Variants in IDE observed in about 807,000 individuals in gnomAD.
The protein encoded by IDE is insulin degrading enzyme.
In IDE, 58 loss-of-function variants were observed where a neutral mutation model predicts 133.2. The ratio of observed to expected loss-of-function variants is 0.44; its 90% CI spans 0.35 to 0.54. The LOEUF is 0.54. IDE is among the 20% of genes least tolerant of loss of function. The pLI, the probability that IDE is intolerant of heterozygous loss-of-function variation, is 0.00. For synonymous variants in IDE, 396 were observed against 421.3 expected (o/e 0.94, Z 0.73); for missense variants, 981 against 1,234.0 (o/e 0.79, Z 3.07).
intron 17 of IDE, among the ~76,000 whole-genome samples, chr10:92,470,857 T>C (rs1049289712): frequency 6.6e-6 from 1 of 152,200 alleles, no homozygotes; most frequent in African/African-American, 2.4e-5. Context: ...ATGAAGTTGA[T>C]ATGTTGTAGT....
intron 22 of IDE, among the ~76,000 whole-genome samples, chr10:92,458,134 T>C (rs1315066286): frequency 6.6e-6 from 1 of 152,206 alleles, no homozygotes; most frequent in African/African-American, 2.4e-5. Flanking sequence ...CTCATTTTTC[T>C]AAAAACAAAC....
chr10:92,560,884 A>G (rs1843248418), intron 1 of IDE, among the ~76,000 whole-genome samples: 1 of 152,168 alleles, frequency 6.6e-6, no homozygotes. Flanking sequence ...AGCAAAGCTA[A>G]CATGCTCTTC....
At chr10:92,456,009 C>G (rs1472875470) in intron 23 of IDE, among the ~76,000 whole-genome samples, 1 of 152,144 alleles carries the variant, frequency 6.6e-6, no homozygotes, top group Admixed American at 6.5e-5. Context: ...TTAATGGCCA[C>G]AGGACAAACT....
rs113939201 is a variant in IDE at position 92,540,673 on chromosome 10, T to A, written c.99-3123A>T. ...GACTGAAATGTAATAATGATGATGATGATGATGGTCTAAAACTTCTGTCCA... is the reference window on the plus strand; with the variant it reads ...GACTGAAATGTAATAATGATGATGAAGATGATGGTCTAAAACTTCTGTCCA... On this transcript the variant is annotated intron_variant, in intron 1 of 24. Coordinates refer to ENST00000265986, the MANE Select transcript of IDE (RefSeq NM_004969.4). Among the ~76,000 whole-genome samples the A allele has an allele frequency of 3.3e-5, 5 of 152,260 alleles. No individual in the cohort carries two copies. The East Asian group carries it at 9.6e-4, about 29-fold the overall frequency.
chr10:92,482,804 T>G (rs1416687818), intron 14 of IDE, among the ~76,000 whole-genome samples: 2 of 152,046 alleles, frequency 1.3e-5, no homozygotes, highest in Non-Finnish European at 2.9e-5. Context: ...CTCTCCTTTT[T>G]TTTCTTTTCT....
At chr10:92,571,624 C>T (rs770742397) in intron 1 of IDE, among the ~76,000 whole-genome samples, 3 of 152,192 alleles carry the variant, frequency 2.0e-5, no homozygotes, top group African/African-American at 4.8e-5. Context: ...TTATAAAATA[C>T]AGCTGAACAC....
chr10:92,515,748 T>TG lies in IDE; in HGVS notation c.662-707dup, dbSNP rs1848885965. ...GCTAATTTTGTATTTTTAGTAGAGA[T>TG]GGGGTTTCTCCATGTTGGTCAGGCT... On this transcript the variant is annotated intron_variant, in intron 4 of 24. Transcript: ENST00000265986. Among the ~76,000 whole-genome samples, 3 of 149,928 alleles carry TG rather than the reference T, an allele frequency of 2.0e-5. No homozygotes were observed. In the South Asian group the frequency reaches 6.4e-4, roughly 32 times the overall value.
chr10:92,562,982 G>A (rs992119512), intron 1 of IDE, among the ~76,000 whole-genome samples: 6 of 152,192 alleles, frequency 3.9e-5, no homozygotes, highest in African/African-American at 1.4e-4. Context: ...TGGGCACAGT[G>A]GCTCACGCCT....
At chr10:92,521,295 A>T (rs1163604813) in intron 4 of IDE, among the ~76,000 whole-genome samples, 5 of 152,184 alleles carry the variant, frequency 3.3e-5, no homozygotes, top group Non-Finnish European at 5.9e-5. Flanking sequence ...ATGTCTTGTC[A>T]AAAAGTCAAA....
At chr10:92,534,973 G>A (rs896202302) in intron 2 of IDE, among the ~76,000 whole-genome samples, 188 bp from the exon 3 acceptor site, 47 of 152,290 alleles carry the variant, frequency 3.1e-4, no homozygotes, top group African/African-American at 1.1e-3. Context: ...TCTAGTGCCT[G>A]CTCTTGACGC....
chr10:92,478,001 G>A (rs1314542726), intron 15 of IDE, among the ~76,000 whole-genome samples: 1 of 152,088 alleles, frequency 6.6e-6, no homozygotes, highest in Non-Finnish European at 1.5e-5. Flanking sequence ...ACCCCAAAAT[G>A]CTCTTGTTTT....
At chr10:92,473,788 C>T (rs1846108670) in intron 17 of IDE, among the ~76,000 whole-genome samples, 1 of 152,116 alleles carries the variant, frequency 6.6e-6, no homozygotes, top group African/African-American at 2.4e-5. Context: ...CAAGACCAGC[C>T]TGGCCAACAT....
In IDE at chr10:92,471,983, C is replaced by T. The variant is rs1845991592; in HGVS notation, c.2117-1638G>A. Among the ~76,000 whole-genome samples the T allele has an allele frequency of 2.0e-5, 3 of 152,284 alleles. No homozygotes were observed. The South Asian group carries it at 6.2e-4, about 32-fold the overall frequency. On this transcript the variant is annotated intron_variant, in intron 17 of 24. Transcript: ENST00000265986. ...AGGCAGTCAGTAAATGCTGCTGGAC[C>T]ACACTGAACCCTGAAGTTCTTGCTA...
At chr10:92,542,520 G>A (rs1004954939) in intron 1 of IDE, among the ~76,000 whole-genome samples, 9 of 151,928 alleles carry the variant, frequency 5.9e-5, no homozygotes, top group African/African-American at 2.2e-4. Context: ...TCAAACTCCT[G>A]GGCGCAAGAG....
In IDE at chr10:92,541,387, A is replaced by G. The variant is rs962301934; in HGVS notation, c.99-3837T>C. ...CTTGCCTGTCTCTGTATTTATACTC[A>G]TAAGATCACCTGTCTATCTACTTCA... On this transcript the variant is annotated intron_variant, in intron 1 of 24. Transcript: ENST00000265986. 21 of 462,892 alleles carry G rather than the reference A, an allele frequency of 4.5e-5. 1 individual carries two copies. In the Admixed American group the frequency reaches 4.6e-4, roughly 10 times the overall value. 28.7% of individuals were successfully genotyped at this position (462,892 alleles called of 1,614,324 possible).
chr10:92,517,437 T>G lies in IDE; in HGVS notation c.662-2395A>C, dbSNP rs568703619. Among the ~76,000 whole-genome samples the G allele has an allele frequency of 2.0e-5, 3 of 152,318 alleles. No individual in the cohort carries two copies. In the East Asian group the frequency reaches 5.8e-4, roughly 29 times the overall value. On this transcript the variant is annotated intron_variant, in intron 4 of 24. Transcript: ENST00000265986. ...TCTTGTTTTTGTTTAAGATAGGGTC[T>G]TACTCTGTTGCCCAGGCTAGACTGC...
At chr10:92,534,007 G>A (rs1386939946) in intron 3 of IDE, among the ~76,000 whole-genome samples, 2 of 149,670 alleles carry the variant, frequency 1.3e-5, no homozygotes, top group Non-Finnish European at 3.0e-5. Context: ...TGGGAAACAA[G>A]TGCGAAACTC....
rs59452338 is a variant in IDE at position 92,534,546 on chromosome 10, A to G, written c.491+32T>C. ...TATTATTAATGTGATAAGTACACAAAGTTGGATAATTCATAGGGTATTCTG... is the reference window on the plus strand; with the variant it reads ...TATTATTAATGTGATAAGTACACAAGGTTGGATAATTCATAGGGTATTCTG... On this transcript the variant is annotated intron_variant, in intron 3 of 24. Transcript: ENST00000265986. 15,123 of 1,227,900 alleles carry G rather than the reference A, an allele frequency of 0.012. 1,419 individuals carry two copies. In the African/African-American group the frequency reaches 0.2, roughly 16 times the overall value. 76.1% of individuals were successfully genotyped at this position (1,227,900 alleles called of 1,614,324 possible).
intron 1 of IDE, among the ~76,000 whole-genome samples, chr10:92,569,632 T>C (rs1843697854): frequency 6.6e-6 from 1 of 152,152 alleles, no homozygotes; most frequent in African/African-American, 2.4e-5. Context: ...CTGAAAACTC[T>C]CATTTTCAAG....
Sources: allele counts gnomAD v4.1 joint callset (sites outside exome capture counted in the v4.1 genomes callset), GRCh38; gene constraint gnomAD v4.1.1; transcripts MANE v1.5; gene names NCBI Gene and HGNC (gene_info 2026-07-23, HGNC 2026-07-21).